HPSE2: variants seen among roughly 807,000 people sequenced by gnomAD.
The protein encoded by HPSE2 is inactive heparanase-2.
In HPSE2, 38 loss-of-function variants were observed where a neutral mutation model predicts 60.5. The observed-to-expected ratio is 0.63, with a 90% CI of 0.48 to 0.82. HPSE2 has a LOEUF of 0.82. Among genes scored for constraint, HPSE2 ranks in the 40% least tolerant of loss-of-function variants. HPSE2 has a pLI of 0.00. For missense variants in HPSE2, 713 were observed against 740.4 expected (o/e 0.96, Z 0.43); for synonymous variants, 295 against 293.2 (o/e 1.01, Z -0.06).
chr10:98,680,788 C>T (rs560837832), intron 6 of HPSE2, among the ~76,000 whole-genome samples: 27 of 152,234 alleles, frequency 1.8e-4, no homozygotes, highest in African/African-American at 6.3e-4. Context: ...CAGGATCTCA[C>T]TCTGTCATCC....
intron 2 of HPSE2, among the ~76,000 whole-genome samples, chr10:99,145,120 A>G (rs1428663980): frequency 6.6e-6 from 1 of 152,192 alleles, no homozygotes; most frequent in Non-Finnish European, 1.5e-5. Context: ...TTCAAAGCAG[A>G]TATAGTCTCC....
chr10:98,945,774 T>C (rs1384056251), intron 3 of HPSE2, among the ~76,000 whole-genome samples: 1 of 152,158 alleles, frequency 6.6e-6, no homozygotes, highest in Non-Finnish European at 1.5e-5. Flanking sequence ...TCAAAACTCC[T>C]TTAGAGGAAA....
intron 3 of HPSE2, among the ~76,000 whole-genome samples, chr10:98,908,581 G>A (rs982042902): frequency 1.3e-5 from 2 of 151,252 alleles, no homozygotes; most frequent in African/African-American, 4.9e-5. Flanking sequence ...TACTTGGGAG[G>A]CTGATGCAGG....
At chr10:99,242,550 A>G in the HPSE2 span, among the ~76,000 whole-genome samples, 9 of 152,168 alleles carry the variant, frequency 5.9e-5, no homozygotes, top group African/African-American at 2.2e-4. Flanking sequence ...ACTAACAGAA[A>G]AGCAGATTAA....
the HPSE2 span, among the ~76,000 whole-genome samples, chr10:99,308,378 T>TAAAAAAAAAAAAAAAAA: frequency 2.2e-4 from 1 of 4,466 alleles, no homozygotes; most frequent in Non-Finnish European, 6.2e-4. Context: ...AGACTCTGTC[T>TAAAAAAAAAAAAAAAAA]CAAAAAAAAA....
At chr10:99,096,778 G>C (rs1234911682) in intron 3 of HPSE2, among the ~76,000 whole-genome samples, 2 of 151,990 alleles carry the variant, frequency 1.3e-5, no homozygotes, top group Non-Finnish European at 2.9e-5. Context: ...CCTGAGGAAA[G>C]AATGAGAAGG....
the HPSE2 span, among the ~76,000 whole-genome samples, chr10:99,263,185 T>C: frequency 6.6e-6 from 1 of 152,152 alleles, no homozygotes; most frequent in African/African-American, 2.4e-5. Flanking sequence ...TCACACTTGG[T>C]TTATTGATGG....
chr10:98,854,666 A>G (rs992802869), intron 3 of HPSE2, among the ~76,000 whole-genome samples: 1 of 152,216 alleles, frequency 6.6e-6, no homozygotes, highest in Non-Finnish European at 1.5e-5. Context: ...TGGTAGAGAG[A>G]AAAGAAAAGG....
chr10:99,068,738 T>C (rs185470470), intron 3 of HPSE2, among the ~76,000 whole-genome samples: 27 of 152,018 alleles, frequency 1.8e-4, no homozygotes, highest in African/African-American at 6.3e-4. Flanking sequence ...AGATCCACTA[T>C]GAAAAGAAAG....
intron 3 of HPSE2, among the ~76,000 whole-genome samples, chr10:98,894,930 G>A (rs1002749838): frequency 6.6e-6 from 1 of 151,936 alleles, no homozygotes; most frequent in Non-Finnish European, 1.5e-5. Context: ...TGACCTCTCA[G>A]AAGCAACAAT....
chr10:98,969,518 A>G, intron 3 of HPSE2, among the ~76,000 whole-genome samples: 1 of 151,960 alleles, frequency 6.6e-6, no homozygotes. Flanking sequence ...CTATACTTTA[A>G]CTCTCTCTTC....
At chr10:98,834,497 T>C (rs1427493696) in intron 3 of HPSE2, among the ~76,000 whole-genome samples, 1 of 152,132 alleles carries the variant, frequency 6.6e-6, no homozygotes, top group Non-Finnish European at 1.5e-5. Context: ...TGATAGAATA[T>C]CACCATTTTG....
the HPSE2 span, among the ~76,000 whole-genome samples, chr10:99,254,626 CTAAT>C: frequency 6.6e-6 from 1 of 152,096 alleles, no homozygotes; most frequent in African/African-American, 2.4e-5. Flanking sequence ...CTGAAAATAG[CTAAT>C]TGTTTAACTA....
intron 6 of HPSE2, among the ~76,000 whole-genome samples, chr10:98,663,680 A>C (rs965969707): frequency 1.3e-5 from 2 of 152,130 alleles, no homozygotes; most frequent in Non-Finnish European, 2.9e-5. Flanking sequence ...GGACCTGTGC[A>C]ATCTTGGGAA....
chr10:99,140,690 C>T (rs915623869), intron 3 of HPSE2, among the ~76,000 whole-genome samples: 1 of 152,138 alleles, frequency 6.6e-6, no homozygotes, highest in African/African-American at 2.4e-5. Context: ...TTAAGGGAGA[C>T]AACTGAATTC....
rs75435942 is a variant in HPSE2 at position 98,558,805 on chromosome 10, C to T, written c.1320+56099G>A. Among the ~76,000 whole-genome samples, 311 of 152,226 alleles carry T rather than the reference C, an allele frequency of 2.0e-3. 1 individual carries two copies. Among genetic ancestry groups the T allele is most frequent in the African/African-American group, 6.3e-3 (261 of 41,542 alleles). On this transcript the variant is annotated intron_variant, in intron 9 of 11. Coordinates refer to ENST00000370552, the MANE Select transcript of HPSE2 (RefSeq NM_021828.5). The stretch of plus-strand genomic sequence containing the variant: ...AACCCTACTTGTTTCCAATATCTCA[C>T]GAAAGGGAGATTTCACCAAAAAATA...
At chr10:98,789,994 A>T (rs960095068) in intron 3 of HPSE2, among the ~76,000 whole-genome samples, 1 of 152,164 alleles carries the variant, frequency 6.6e-6, no homozygotes, top group Non-Finnish European at 1.5e-5. Context: ...AGCTCTACTA[A>T]AGGCTGAGTC....
chr10:98,722,073 C>T (rs1470309440), intron 4 of HPSE2, among the ~76,000 whole-genome samples: 5 of 151,410 alleles, frequency 3.3e-5, no homozygotes, highest in South Asian at 2.1e-4. Context: ...GGAGACCATA[C>T]AGATTTTCAG....
At chr10:99,076,084 T>G (rs2135559608) in intron 3 of HPSE2, among the ~76,000 whole-genome samples, 1 of 152,232 alleles carries the variant, frequency 6.6e-6, no homozygotes, top group South Asian at 2.1e-4. Flanking sequence ...TTCAATTTTT[T>G]CATTGCTTTC....
Sources: gnomAD v4.1 joint callset for allele counts (sites outside exome capture counted in the v4.1 genomes callset) on GRCh38, gnomAD v4.1.1 for gene constraint, MANE v1.5 for transcripts, NCBI Gene and HGNC (gene_info 2026-07-23, HGNC 2026-07-21) for gene names.